Variants in LPP observed in about 807,000 individuals in gnomAD.
LPP encodes the protein lipoma-preferred partner.
A neutral mutation model predicts 60.4 loss-of-function variants in LPP; 38 were observed. The observed-to-expected ratio is 0.63, with a 90% confidence interval of 0.49 to 0.83. The LOEUF (loss-of-function observed/expected upper bound fraction) is 0.83, where lower values mean the gene tolerates loss of function less well. Among genes scored for constraint, LPP ranks in the 40% least tolerant of loss-of-function variants. LPP has a pLI of 0.00. For missense variants in LPP, 902 were observed against 783.6 expected (o/e 1.15, Z -1.80); for synonymous variants, 328 against 290.8 (o/e 1.13, Z -1.30).
chr3:188,649,700 A>T (rs189216665), intron 7 of LPP, among the ~76,000 whole-genome samples: 2 of 152,240 alleles, frequency 1.3e-5, no homozygotes, highest in South Asian at 2.1e-4. Flanking sequence ...TCATAGAAGA[A>T]ATGCACTGGG....
intron 1 of LPP, among the ~76,000 whole-genome samples, chr3:188,221,043 C>G (rs778741225): frequency 1.8e-4 from 27 of 152,158 alleles, no homozygotes; most frequent in Non-Finnish European, 3.1e-4. Flanking sequence ...GATCCAAGTG[C>G]TTTAGAACAT....
chr3:188,316,163 A>C (rs977391059), intron 2 of LPP, among the ~76,000 whole-genome samples: 2 of 152,188 alleles, frequency 1.3e-5, no homozygotes, highest in Non-Finnish European at 2.9e-5. Context: ...CTGTAATCCC[A>C]GCTACTCCGG....
At chr3:188,664,133 G>C (rs1460230296) in intron 7 of LPP, among the ~76,000 whole-genome samples, 1 of 152,196 alleles carries the variant, frequency 6.6e-6, no homozygotes, top group East Asian at 1.9e-4. Context: ...TTGGTTTTAA[G>C]TGCCAACTCA....
At chr3:188,801,767 A>C (rs1403865261) in intron 9 of LPP, among the ~76,000 whole-genome samples, 1 of 152,130 alleles carries the variant, frequency 6.6e-6, no homozygotes. Flanking sequence ...TCTCTCTTTT[A>C]ATGAGAGTAA....
intron 8 of LPP, among the ~76,000 whole-genome samples, chr3:188,715,591 T>C (rs1263363418): frequency 6.6e-6 from 1 of 151,958 alleles, no homozygotes; most frequent in African/African-American, 2.4e-5. Context: ...TTTCAAACAG[T>C]TTTAGGCAGC....
At chr3:188,339,843 A>T (rs1578193157) in intron 2 of LPP, among the ~76,000 whole-genome samples, 1 of 152,192 alleles carries the variant, frequency 6.6e-6, no homozygotes, top group South Asian at 2.1e-4. Context: ...TTGCCCAGGG[A>T]TGTTGCATCT....
At chr3:188,680,096 T>C (rs1859139285) in intron 7 of LPP, among the ~76,000 whole-genome samples, 4 of 152,214 alleles carry the variant, frequency 2.6e-5, no homozygotes, top group African/African-American at 9.7e-5. Context: ...TTGTTTTATT[T>C]TGAAAAATTG....
At chr3:188,537,319 T>C (rs116466737) in intron 6 of LPP, among the ~76,000 whole-genome samples, 8 of 151,968 alleles carry the variant, frequency 5.3e-5, no homozygotes, top group Non-Finnish European at 1.2e-4. Context: ...TCTAGCATTA[T>C]TGATCGTATC....
At chr3:188,755,408 T>A (rs1036088167) in intron 8 of LPP, among the ~76,000 whole-genome samples, 1 of 152,190 alleles carries the variant, frequency 6.6e-6, no homozygotes, top group Non-Finnish European at 1.5e-5. Flanking sequence ...CTGTGGCTTA[T>A]TTTTATCAGT....
intron 10 of LPP, among the ~76,000 whole-genome samples, chr3:188,867,161 G>T (rs1766859335): frequency 6.6e-6 from 1 of 151,344 alleles, no homozygotes; most frequent in South Asian, 2.1e-4. Flanking sequence ...TACAGCTGGG[G>T]TCTTTATGAA....
At chr3:188,179,774 C>G (rs1724368852) in intron 1 of LPP, 1 of 316,272 alleles carries the variant, frequency 3.2e-6, no homozygotes, top group African/African-American at 2.2e-5. Flanking sequence ...CCCCTCTCCC[C>G]CTGAGTGAGC....
chr3:188,253,691 A>G (rs1417711070), intron 2 of LPP, among the ~76,000 whole-genome samples: 1 of 152,198 alleles, frequency 6.6e-6, no homozygotes. Context: ...ACCTTTTACA[A>G]GTCATCCTCT....
intron 3 of LPP, among the ~76,000 whole-genome samples, chr3:188,384,904 T>C (rs1291672817): frequency 6.6e-6 from 1 of 151,866 alleles, no homozygotes; most frequent in African/African-American, 2.4e-5. Flanking sequence ...TAGTACATCT[T>C]GCTGCTGTCC....
Position 188,883,192 on chromosome 3 carries a change from A to T in LPP, c.*8713A>T, listed in dbSNP as rs1011170042. The T allele has an allele frequency of 4.6e-6, 1 of 218,124 alleles. No homozygotes were observed. The highest frequency in any genetic ancestry group is 6.7e-5 in the East Asian group (1 of 14,950). The allele number at this position is 218,124 out of a possible 1,614,324, so 13.5% of individuals were successfully genotyped here. A position where few individuals can be genotyped will look rare whatever the true frequency, so the allele number is the denominator to read the frequency against. On this transcript the variant is annotated 3_prime_UTR_variant, in exon 12 of 12. Transcript: ENST00000617246. ...TTGCTTCCCCCCTCCTTTTCCTTCC[A>T]TATATATTTGTTTTGTTTTGGGCAT...
chr3:188,701,517 G>C (rs1318465711), intron 7 of LPP, among the ~76,000 whole-genome samples: 14 of 152,222 alleles, frequency 9.2e-5, no homozygotes, highest in Non-Finnish European at 1.9e-4. Context: ...CCTGGCCAGC[G>C]AGTGACTTAT....
chr3:188,394,088 T>C (rs1392796019), intron 3 of LPP, among the ~76,000 whole-genome samples: 1 of 152,222 alleles, frequency 6.6e-6, no homozygotes, highest in Non-Finnish European at 1.5e-5. Flanking sequence ...GCTACTGGTT[T>C]GAGACTTAAA....
intron 2 of LPP, among the ~76,000 whole-genome samples, chr3:188,335,047 G>A (rs1761267161): frequency 6.6e-6 from 1 of 152,152 alleles, no homozygotes; most frequent in Non-Finnish European, 1.5e-5. Context: ...TCCCATTGGT[G>A]TATACGCCTG....
intron 2 of LPP, among the ~76,000 whole-genome samples, chr3:188,275,895 C>G (rs1185727080): frequency 6.6e-6 from 1 of 151,956 alleles, no homozygotes; most frequent in African/African-American, 2.4e-5. Flanking sequence ...AGGCTGATCT[C>G]GAACTCCTGA....
At chr3:188,461,777 C>T (rs1247985270) in intron 4 of LPP, among the ~76,000 whole-genome samples, 12 of 152,220 alleles carry the variant, frequency 7.9e-5, no homozygotes. Context: ...TAGGCAGCAC[C>T]TTAATGAGGT....
Sources: gnomAD v4.1 joint callset for allele counts (sites outside exome capture counted in the v4.1 genomes callset) on GRCh38, gnomAD v4.1.1 for gene constraint, MANE v1.5 for transcripts, NCBI Gene and HGNC (gene_info 2026-07-23, HGNC 2026-07-21) for gene names.